The following RORA variants were observed in gnomAD, a reference collection of about 807,000 sequenced individuals.
RORA encodes nuclear receptor ROR-alpha.
Under a neutral mutation model 69.5 loss-of-function variants are expected in RORA, and 7 were observed. That is an observed-to-expected ratio of 0.10 (90% confidence interval 0.06 to 0.19). The LOEUF (loss-of-function observed/expected upper bound fraction) is 0.19, where lower values mean the gene tolerates loss of function less well. RORA is among the 10% of genes least tolerant of loss of function. RORA has a pLI of 1.00. For missense variants in RORA, 457 were observed against 663.0 expected, an observed-to-expected ratio of 0.69 and a Z score of 3.41; for synonymous variants, 261 against 240.8, an observed-to-expected ratio of 1.08 and a Z score of -0.78.
intron 1 of RORA, among the ~76,000 whole-genome samples, chr15:61,185,795 G>C (rs2079735652): frequency 1.3e-5 from 2 of 152,080 alleles, no homozygotes; most frequent in Admixed American, 1.3e-4. Context: ...ATGGCTCTGA[G>C]GGTCTCCTCA....
intron 1 of RORA, among the ~76,000 whole-genome samples, chr15:61,217,083 G>T (rs533880825): frequency 6.6e-6 from 1 of 152,322 alleles, no homozygotes; most frequent in East Asian, 1.9e-4. Context: ...GACAGCAGGA[G>T]ATGTGCCTGC....
At chr15:60,961,442 A>G (rs1487732753) in intron 1 of RORA, among the ~76,000 whole-genome samples, 1 of 152,232 alleles carries the variant, frequency 6.6e-6, no homozygotes, top group Non-Finnish European at 1.5e-5. Context: ...AGATAAAAAA[A>G]GGTAACAAGA....
chr15:60,735,222 C>G (rs2071481489), intron 1 of RORA, among the ~76,000 whole-genome samples: 1 of 152,224 alleles, frequency 6.6e-6, no homozygotes, highest in African/African-American at 2.4e-5. Context: ...TGTTCACCAA[C>G]ACAGAAAGAT....
At chr15:60,634,584 T>C (rs918816624) in intron 2 of RORA, among the ~76,000 whole-genome samples, 16 of 146,902 alleles carry the variant, frequency 1.1e-4, no homozygotes, top group Non-Finnish European at 2.0e-4. Context: ...TTTGTGTTTT[T>C]AGTAGAGACA....
At chr15:61,108,846 A>G (rs1252147769) in intron 1 of RORA, among the ~76,000 whole-genome samples, 1 of 152,136 alleles carries the variant, frequency 6.6e-6, no homozygotes, top group Non-Finnish European at 1.5e-5. Flanking sequence ...GACACACCCT[A>G]CCAAAAAATT....
chr15:60,655,426 G>A (rs565192857), intron 2 of RORA, among the ~76,000 whole-genome samples: 65 of 152,200 alleles, frequency 4.3e-4, no homozygotes, highest in Admixed American at 1.1e-3. Context: ...AGCACTTAGC[G>A]GCCAATTGCT....
Position 60,499,956 on chromosome 15 carries a change from T to G in RORA, c.1343A>C (p.Lys448Thr). ...GACGTGTTGAAGAGCTAGCTGAATT[T>G]TCTGTTGCAGTTTTTCAATTTTTAC... ...EKVKIEKLQQ[K>T]IQLALQHVLQ... Residue 448 changes from lysine (K) to threonine (T), a missense_variant, in exon 10 of 11, where the codon AAA becomes ACA. Lys to Thr is a moderately conservative substitution (Grantham distance 78). Coordinates refer to ENST00000335670, the MANE Select transcript of RORA (RefSeq NM_134261.3). 1.2e-6 allele frequency: 2 copies of G among 1,613,548 alleles called. No homozygotes were observed. Among genetic ancestry groups the G allele is most frequent in the Non-Finnish European group, 1.7e-6 (2 of 1,179,738 alleles).
chr15:60,702,419 A>G (rs1257236710), intron 1 of RORA, among the ~76,000 whole-genome samples: 4 of 151,700 alleles, frequency 2.6e-5, no homozygotes, highest in Non-Finnish European at 5.9e-5. Flanking sequence ...TTCAGTAGAG[A>G]TGGGGTTTTG....
chr15:61,157,139 C>T (rs965034604), intron 1 of RORA, among the ~76,000 whole-genome samples: 13 of 152,108 alleles, frequency 8.5e-5, no homozygotes, highest in East Asian at 5.8e-4. Context: ...AGTAAATGTT[C>T]GCAGGATGAA....
intron 1 of RORA, among the ~76,000 whole-genome samples, chr15:61,207,956 C>A (rs2079956824): frequency 6.6e-6 from 1 of 152,186 alleles, no homozygotes; most frequent in Non-Finnish European, 1.5e-5. Flanking sequence ...TACATAGCTG[C>A]TTAATCACAT....
chr15:61,077,087 A>C (rs1338143431), intron 1 of RORA, among the ~76,000 whole-genome samples: 1 of 152,200 alleles, frequency 6.6e-6, no homozygotes, highest in African/African-American at 2.4e-5. Flanking sequence ...CAGTGGGATC[A>C]GCAGGCACAG....
At chr15:60,763,789 T>A (rs2071936691) in intron 1 of RORA, 1 of 152,330 alleles carries the variant, frequency 6.6e-6, no homozygotes, top group African/African-American at 2.4e-5. Flanking sequence ...ATCCACGTGT[T>A]TTCCCACCTC....
chr15:60,568,568 C>T (rs540510945), intron 2 of RORA, among the ~76,000 whole-genome samples: 8 of 152,242 alleles, frequency 5.3e-5, no homozygotes, highest in Non-Finnish European at 7.4e-5. Flanking sequence ...GAAGTCTAGT[C>T]GAGATCTCAC....
At chr15:61,111,794 T>C (rs960119990) in intron 1 of RORA, among the ~76,000 whole-genome samples, 2 of 152,170 alleles carry the variant, frequency 1.3e-5, no homozygotes, top group African/African-American at 4.8e-5. Flanking sequence ...AAGGCAAAGA[T>C]AAAAAAATTA....
chr15:60,825,851 G>A (rs777732161), intron 1 of RORA, among the ~76,000 whole-genome samples: 3 of 152,166 alleles, frequency 2.0e-5, no homozygotes, highest in Non-Finnish European at 2.9e-5. Context: ...AACAAGCAGC[G>A]GCCATCCAGA....
rs180856582 is a variant in RORA, at chr15:61,094,328, T to C, written c.166+134725A>G. ...AGGAAGGAAGATCTAGGCCATTAAA[T>C]TGACCTTGGAATGGTATTTTTCCTT... On this transcript the variant is annotated intron_variant, in intron 1 of 10. Coordinates refer to ENST00000335670, the MANE Select transcript of RORA (RefSeq NM_134261.3). Among the ~76,000 whole-genome samples the C allele has an allele frequency of 1.6e-4, 25 of 152,320 alleles. No individual in the cohort carries two copies. The East Asian group carries it at 4.6e-3, about 28-fold the overall frequency.
At chr15:60,690,297 C>T (rs906497920) in intron 1 of RORA, among the ~76,000 whole-genome samples, 4 of 152,216 alleles carry the variant, frequency 2.6e-5, no homozygotes, top group African/African-American at 9.7e-5. Flanking sequence ...CTTACCAAGA[C>T]ATGTGACCAG....
chr15:61,200,328 G>GCC (rs1352036712), intron 1 of RORA, among the ~76,000 whole-genome samples: 15 of 152,288 alleles, frequency 9.8e-5, no homozygotes, highest in Admixed American at 6.5e-4. Context: ...GCCTTTCAGG[G>GCC]TGTTGAGAGG....
At chr15:60,767,499 G>C (rs1227431801) in intron 1 of RORA, among the ~76,000 whole-genome samples, 1 of 152,176 alleles carries the variant, frequency 6.6e-6, no homozygotes, top group Non-Finnish European at 1.5e-5. Flanking sequence ...TAGAGGAGTT[G>C]GGTGTGGAAC....
Sources: gnomAD v4.1 joint callset for allele counts (sites outside exome capture counted in the v4.1 genomes callset) on GRCh38, gnomAD v4.1.1 for gene constraint, MANE v1.5 for transcripts, NCBI Gene and HGNC (gene_info 2026-07-23, HGNC 2026-07-21) for gene names.